Variants in PHLDB3 observed in about 807,000 individuals in gnomAD.
PHLDB3 encodes the protein pleckstrin homology like domain family B member 3, also known as pleckstrin homology-like domain family B member 3.
In PHLDB3, 86 loss-of-function variants were observed where a neutral mutation model predicts 85.7. The ratio of observed to expected loss-of-function variants is 1.00; its 90% CI spans 0.84 to 1.20. The LOEUF is 1.20. Ranked by LOEUF, PHLDB3 falls within the 50% of genes most tolerant of loss-of-function variation. The pLI, the probability that PHLDB3 is intolerant of heterozygous loss-of-function variation, is 0.00. For missense variants in PHLDB3, 995 were observed against 873.0 expected, an observed-to-expected ratio of 1.14 and a Z score of -1.76; for synonymous variants, 376 against 349.8, an observed-to-expected ratio of 1.07 and a Z score of -0.83.
At chr19:43,499,893 C>A (rs1971547629) in intron 4 of PHLDB3, among the ~76,000 whole-genome samples, 1 of 152,118 alleles carries the variant, frequency 6.6e-6, no homozygotes, top group African/African-American at 2.4e-5. Flanking sequence ...GTGCCTGCCA[C>A]CACGCCCAGC....
chr19:43,494,639 T>C (rs373317086), intron 9 of PHLDB3, 63 bp downstream of exon 9: 3 of 1,341,380 alleles, frequency 2.2e-6, no homozygotes, highest in Non-Finnish European at 2.1e-6. Flanking sequence ...ACTCTGCTGT[T>C]AGCCCCTCCC....
chr19:43,504,349 T>A, intron 1 of PHLDB3: 1 of 586,080 alleles, frequency 1.7e-6, no homozygotes, highest in East Asian at 2.9e-5. Context: ...GACCGGAATT[T>A]GAGTCCGGGT....
At chr19:43,478,209 C>T in intron 14 of PHLDB3, 77 bp from the exon 15 acceptor site, 3 of 1,132,484 alleles carry the variant, frequency 2.6e-6, no homozygotes, top group Admixed American at 1.9e-5. Context: ...GGTCATTGGC[C>T]CTAAGTCCTG....
chr19:43,499,833 G>A lies in PHLDB3; in HGVS notation c.534+1901C>T, dbSNP rs151147308. 4.9e-3 allele frequency among the ~76,000 whole-genome samples: 733 copies of A among 150,592 alleles called. 3 individuals carry two copies. Among genetic ancestry groups the A allele is most frequent in the African/African-American group, 0.016 (666 of 41,144 alleles). The stretch of plus-strand genomic sequence containing the variant: ...CTGGGAGCTGCAACCTCCACCTCCC[G>A]GATTCAAGCAATTCTCCTGCCTCAG... On this transcript the variant is annotated intron_variant, in intron 4 of 15. Coordinates refer to ENST00000292140, the MANE Select transcript of PHLDB3 (RefSeq NM_198850.4).
Position 43,501,800 on chromosome 19 carries a change from C to A in PHLDB3, c.468G>T (p.Glu156Asp). The change falls in exon 4 of 16, where the codon GAG becomes GAT. Residue 156 changes from glutamate to aspartate, a missense_variant. Coordinates refer to ENST00000292140, the MANE Select transcript of PHLDB3 (RefSeq NM_198850.4). Reference protein sequence around the residue: ...GERVAARREEEQLRELLEQQA... With the variant: ...GERVAARREEDQLRELLEQQA... ...GCTGCTCCAGCAGCTCCCGCAGCTGCTCCTCCTCCCGGCGAGCGGCCACTC... is the reference window on the plus strand; with the variant it reads ...GCTGCTCCAGCAGCTCCCGCAGCTGATCCTCCTCCCGGCGAGCGGCCACTC... 1 of 1,587,936 alleles carries A rather than the reference C, an allele frequency of 6.3e-7. No homozygotes were observed.
At chr19:43,495,687 T>G (rs563060737) in intron 6 of PHLDB3, 67 bp from the exon 7 acceptor site, 110 of 1,537,842 alleles carry the variant, frequency 7.2e-5, no homozygotes, top group Admixed American at 1.6e-4. Context: ...CAGAACCACA[T>G]CTGCCTGGAG....
At chr19:43,488,419 T>C (rs117766069) in intron 9 of PHLDB3, among the ~76,000 whole-genome samples, 5,368 of 152,098 alleles carry the variant, frequency 0.035, 151 homozygotes, top group Non-Finnish European at 0.059. Context: ...ATTGTGCCAC[T>C]GCGCTCCAGT....
chr19:43,488,054 T>A (rs1363354936), intron 9 of PHLDB3, among the ~76,000 whole-genome samples: 1 of 151,680 alleles, frequency 6.6e-6, no homozygotes, highest in Non-Finnish European at 1.5e-5. Flanking sequence ...TTCAGGAGGC[T>A]GAGGCAGGAG....
chr19:43,475,373 G>C lies in PHLDB3; in HGVS notation c.*37C>G. 1.3e-6 allele frequency: 2 copies of C among 1,599,436 alleles called. No homozygotes were observed. On this transcript the variant is annotated 3_prime_UTR_variant, in exon 16 of 16. Coordinates refer to ENST00000292140, the MANE Select transcript of PHLDB3 (RefSeq NM_198850.4). ...CGCCCCCGCGCCCCGCGCCGGCGGA[G>C]CCTCGAAGGGACTTCCCCCCAAGAG...
At chr19:43,477,804 T>A (rs1374401862) in intron 15 of PHLDB3, among the ~76,000 whole-genome samples, 2 of 146,718 alleles carry the variant, frequency 1.4e-5, no homozygotes, top group Non-Finnish European at 3.0e-5. Context: ...TGAGACTCTG[T>A]CTTAAAAAAA....
chr19:43,489,235 C>T (rs931210529), intron 9 of PHLDB3, among the ~76,000 whole-genome samples: 8 of 152,048 alleles, frequency 5.3e-5, no homozygotes, highest in South Asian at 2.1e-4. Flanking sequence ...GGTGTGGTAG[C>T]GTGCACCTGT....
At chr19:43,477,918 G>T in intron 15 of PHLDB3, 129 bp downstream of exon 15, 1 of 583,506 alleles carries the variant, frequency 1.7e-6, no homozygotes, top group Admixed American at 3.1e-5. Context: ...CGACAAACAC[G>T]TACTCCTATG....
Position 43,497,771 on chromosome 19 carries a change from G to T in PHLDB3, c.640C>A (p.Arg214=), listed in dbSNP as rs202030586. The T allele has an allele frequency of 6.4e-7, 1 of 1,552,878 alleles. No individual in the cohort carries two copies. Residue 214 remains arginine, a synonymous_variant, in exon 5 of 16, where the codon CGG becomes AGG. Coordinates refer to ENST00000292140, the MANE Select transcript of PHLDB3 (RefSeq NM_198850.4). ...LDSQPEDQRE[R]LLQGVQEMRE... ...ACCTCCTGCACACCCTGCAGAAGCC[G>T]CTCGCGTTGGTCCTCTGGCTGTGAG...
chr19:43,493,961 A>G (rs1317864478), intron 9 of PHLDB3, among the ~76,000 whole-genome samples: 1 of 152,124 alleles, frequency 6.6e-6, no homozygotes, highest in Non-Finnish European at 1.5e-5. Context: ...AACTGCTCCA[A>G]TGTGCATTTC....
At chr19:43,488,977 T>G (rs1971248854) in intron 9 of PHLDB3, among the ~76,000 whole-genome samples, 1 of 152,016 alleles carries the variant, frequency 6.6e-6, no homozygotes, top group African/African-American at 2.4e-5. Context: ...TTTTTGTATT[T>G]TTAGTAGAGA....
At chr19:43,489,828 G>A (rs1347401632) in intron 9 of PHLDB3, among the ~76,000 whole-genome samples, 2 of 151,822 alleles carry the variant, frequency 1.3e-5, no homozygotes, top group African/African-American at 2.4e-5. Flanking sequence ...CCAACATGGT[G>A]AAACCCCGTC....
At chr19:43,478,185 T>G in intron 14 of PHLDB3, 53 bp from the exon 15 acceptor site, 1 of 1,417,028 alleles carries the variant, frequency 7.1e-7, no homozygotes, top group Non-Finnish European at 9.9e-7. Context: ...TGTGTCTGTG[T>G]GTGTCGAGGT....
chr19:43,503,822 C>T lies in PHLDB3; in HGVS notation c.213+84G>A, dbSNP rs1971677916. The T allele has an allele frequency of 2.0e-6, 3 of 1,515,932 alleles. No individual in the cohort carries two copies. The Admixed American group carries it at 5.3e-5, about 27-fold the overall frequency. 93.9% of individuals were successfully genotyped at this position (1,515,932 alleles called of 1,614,324 possible). ...CTCCGGGTCTCTGTCTTTCTGGTTT[C>T]CCTCTACCTGTCTACCTGTCTGGCC... On this transcript the variant is annotated intron_variant, in intron 2 of 15. Coordinates refer to ENST00000292140, the MANE Select transcript of PHLDB3 (RefSeq NM_198850.4).
chr19:43,495,398 T>C (rs901580767), intron 7 of PHLDB3, 59 bp from the exon 8 acceptor site: 1 of 1,599,636 alleles, frequency 6.3e-7, no homozygotes, highest in East Asian at 2.3e-5. Flanking sequence ...CCAGCTGCTT[T>C]CCCTAATGTC....
Sources: allele counts gnomAD v4.1 joint callset (sites outside exome capture counted in the v4.1 genomes callset), GRCh38; gene constraint gnomAD v4.1.1; transcripts MANE v1.5; gene names NCBI Gene and HGNC (gene_info 2026-07-23, HGNC 2026-07-21).